The following GFOD2 variants were observed in gnomAD, a reference collection of about 807,000 sequenced individuals.
The protein encoded by GFOD2 is glucose-fructose oxidoreductase domain-containing protein 2.
In GFOD2, 9 loss-of-function variants were observed where a neutral mutation model predicts 24.6. The observed-to-expected ratio is 0.37, with a 90% CI of 0.22 to 0.64. The LOEUF is 0.64. Ranked by LOEUF, GFOD2 falls within the 30% of genes least tolerant of loss-of-function variation. The pLI, the probability that GFOD2 is intolerant of heterozygous loss-of-function variation, is 0.65. For synonymous variants in GFOD2, 211 were observed against 224.8 expected (o/e 0.94, Z 0.55); for missense variants, 476 against 532.5 (o/e 0.89, Z 1.04).
chr16:67,709,917 C>T (rs998892156), intron 1 of GFOD2, among the ~76,000 whole-genome samples: 13 of 150,954 alleles, frequency 8.6e-5, no homozygotes, highest in South Asian at 2.1e-4. Flanking sequence ...CGTGAGCCAC[C>T]GTGCCCAGCC....
At chr16:67,680,850 G>A (rs2053220066) in intron 2 of GFOD2, 1 of 985,102 alleles carries the variant, frequency 1.0e-6, no homozygotes, top group African/African-American at 1.7e-5. Context: ...TGCCGTGTTG[G>A]TGTGAATCTC....
chr16:67,703,762 G>A (rs1269464178), intron 1 of GFOD2, among the ~76,000 whole-genome samples: 1 of 152,182 alleles, frequency 6.6e-6, no homozygotes, highest in African/African-American at 2.4e-5. Context: ...TGCCTCTGTT[G>A]CAGAGAAGAG....
Position 67,675,478 on chromosome 16 carries a change from G to A in GFOD2, c.835C>T (p.Leu279=). 6.2e-7 allele frequency: 1 copy of A among 1,612,114 alleles called. No homozygotes were observed. The highest frequency in any genetic ancestry group is 8.5e-7 in the Non-Finnish European group (1 of 1,180,026). ...GQKNSATQEE[L]LLRDSLAVGA... ...ACTGCCAGCGAGTCCCTCAAGAGCA[G>A]CTCCTCTTGCGTGGCAGAGTTCTTC... Residue 279 remains leucine, a synonymous_variant, in exon 3 of 3, where the codon CTG becomes TTG. Coordinates refer to ENST00000268797, the MANE Select transcript of GFOD2 (RefSeq NM_030819.4).
At chr16:67,678,632 C>G (rs2053201657) in intron 2 of GFOD2, among the ~76,000 whole-genome samples, 1 of 152,206 alleles carries the variant, frequency 6.6e-6, no homozygotes, top group Admixed American at 6.5e-5. Flanking sequence ...TTGGCTCTCT[C>G]ACTTCACTGC....
At chr16:67,692,517 T>C (rs1190970519) in intron 1 of GFOD2, among the ~76,000 whole-genome samples, 3 of 151,446 alleles carry the variant, frequency 2.0e-5, no homozygotes, top group African/African-American at 7.3e-5. Context: ...GAAGCAGAGG[T>C]TGCAGTGAGC....
chr16:67,701,613 C>T (rs1462901700), intron 1 of GFOD2, among the ~76,000 whole-genome samples: 1 of 152,050 alleles, frequency 6.6e-6, no homozygotes, highest in East Asian at 1.9e-4. Flanking sequence ...TAAGTGTAGA[C>T]AACAAAGGGG....
rs189790735 is a variant in GFOD2 at position 67,701,911 on chromosome 16, G to T, written c.-87-16109C>A. ...GACTTTGGTGTGGAGGCTGAGATTTGTGAATTGTTTTTTCCCAGACTGCCT... is the reference window on the plus strand; with the variant it reads ...GACTTTGGTGTGGAGGCTGAGATTTTTGAATTGTTTTTTCCCAGACTGCCT... On this transcript the variant is annotated intron_variant, in intron 1 of 2. Coordinates refer to ENST00000268797, the MANE Select transcript of GFOD2 (RefSeq NM_030819.4). 4.3e-3 allele frequency among the ~76,000 whole-genome samples: 660 copies of T among 152,190 alleles called. 6 individuals are homozygous for T. The highest frequency in any genetic ancestry group is 4.3e-3 in the Non-Finnish European group (292 of 68,012).
intron 1 of GFOD2, among the ~76,000 whole-genome samples, chr16:67,696,226 G>A (rs1353000696): frequency 3.3e-5 from 5 of 151,494 alleles, no homozygotes; most frequent in Non-Finnish European, 7.4e-5. Flanking sequence ...TGTTGGACAG[G>A]ATGGTCCCGA....
At chr16:67,686,154 G>A (rs555372516) in intron 1 of GFOD2, among the ~76,000 whole-genome samples, 78 of 152,198 alleles carry the variant, frequency 5.1e-4, no homozygotes, top group African/African-American at 1.7e-3. Context: ...GGTGGCATGC[G>A]CTTGTTGTAG....
intron 1 of GFOD2, among the ~76,000 whole-genome samples, chr16:67,704,347 G>C (rs114529298): frequency 0.012 from 1,767 of 152,162 alleles, 28 homozygotes; most frequent in African/African-American, 0.035. Context: ...TAAACATTAC[G>C]TGCCCCGTGC....
chr16:67,710,874 G>A (rs2053468926), intron 1 of GFOD2, among the ~76,000 whole-genome samples: 1 of 151,958 alleles, frequency 6.6e-6, no homozygotes, highest in Non-Finnish European at 1.5e-5. Context: ...CTCCCCAACT[G>A]CAAGACTCAT....
At chr16:67,696,857 C>T (rs911814201) in intron 1 of GFOD2, among the ~76,000 whole-genome samples, 1 of 152,194 alleles carries the variant, frequency 6.6e-6, no homozygotes, top group African/African-American at 2.4e-5. Flanking sequence ...GGCTGGCCCC[C>T]GAGGAAGCCA....
intron 1 of GFOD2, among the ~76,000 whole-genome samples, chr16:67,699,393 C>T (rs182599864): frequency 2.0e-5 from 3 of 151,926 alleles, no homozygotes; most frequent in African/African-American, 7.2e-5. Context: ...AAAAATACAC[C>T]ATGACCAACA....
chr16:67,677,682 G>A (rs975806320), intron 2 of GFOD2: 1 of 152,300 alleles, frequency 6.6e-6, no homozygotes, highest in South Asian at 2.1e-4. Flanking sequence ...GTTAGGAAAC[G>A]AGACTGAAAG....
intron 2 of GFOD2, among the ~76,000 whole-genome samples, chr16:67,679,778 T>G (rs1305085267): frequency 6.6e-6 from 1 of 151,732 alleles, no homozygotes; most frequent in Non-Finnish European, 1.5e-5. Context: ...TCCCAGCTAC[T>G]CAGGAGGCTG....
At chr16:67,704,792 G>A (rs1444091795) in intron 1 of GFOD2, among the ~76,000 whole-genome samples, 3 of 152,176 alleles carry the variant, frequency 2.0e-5, no homozygotes, top group Non-Finnish European at 4.4e-5. Flanking sequence ...ACCTTGCAGT[G>A]TTCTCCAGTT....
At chr16:67,702,034 T>C (rs2053405766) in intron 1 of GFOD2, among the ~76,000 whole-genome samples, 1 of 152,084 alleles carries the variant, frequency 6.6e-6, no homozygotes, top group Non-Finnish European at 1.5e-5. Flanking sequence ...GTGGGAGAAA[T>C]CCAATCTGGT....
At chr16:67,683,427 A>AC in intron 2 of GFOD2, 1 of 1,229,698 alleles carries the variant, frequency 8.1e-7, no homozygotes, top group Non-Finnish European at 1.0e-6. Context: ...GAGTCAAGTG[A>AC]CCAATAGCGG....
In GFOD2 at chr16:67,685,739, C is replaced by G. The variant is rs535572296; in HGVS notation, c.-24G>C. Reference sequence around the variant, plus strand: ...ATCCCAGCCTCTCTCTTTACCAACTCATCTCCTCACAAGAGCCTCTGGCAT... The same window carrying G: ...ATCCCAGCCTCTCTCTTTACCAACTGATCTCCTCACAAGAGCCTCTGGCAT... On this transcript the variant is annotated 5_prime_UTR_variant, in exon 2 of 3. The change abolishes an upstream ATG in the 5' untranslated region. Transcript: ENST00000268797. The G allele has an allele frequency of 1.3e-6, 2 of 1,598,738 alleles. No homozygotes were observed. The highest frequency in any genetic ancestry group is 4.5e-5 in the East Asian group (2 of 44,756).
Sources: allele counts gnomAD v4.1 joint callset (sites outside exome capture counted in the v4.1 genomes callset), GRCh38; gene constraint gnomAD v4.1.1; transcripts MANE v1.5; gene names NCBI Gene and HGNC (gene_info 2026-07-23, HGNC 2026-07-21).